COLEC12: variants seen among roughly 807,000 people sequenced by gnomAD.
COLEC12 encodes collectin-12.
Under a neutral mutation model 71.1 loss-of-function variants are expected in COLEC12, and 33 were observed. The observed-to-expected ratio is 0.46, with a 90% CI of 0.35 to 0.62. The LOEUF (loss-of-function observed/expected upper bound fraction) is 0.62, where lower values mean the gene tolerates loss of function less well. Among genes scored for constraint, COLEC12 ranks in the 20% least tolerant of loss-of-function variants. The probability of loss-of-function intolerance (pLI) is 0.00; values close to 1 mark genes in which losing one functional copy is unlikely to be tolerated. For synonymous variants in COLEC12, 350 were observed against 353.0 expected (o/e 0.99, Z 0.10); for missense variants, 765 against 916.1 (o/e 0.84, Z 2.13).
intron 2 of COLEC12, among the ~76,000 whole-genome samples, chr18:425,218 G>C (rs569463561): frequency 1.3e-5 from 2 of 152,254 alleles, no homozygotes; most frequent in South Asian, 4.2e-4. Flanking sequence ...ACTCAAACCC[G>C]TGAGTTGCAG....
At chr18:379,497 GA>G (rs2143556663) in intron 2 of COLEC12, among the ~76,000 whole-genome samples, 1 of 152,210 alleles carries the variant, frequency 6.6e-6, no homozygotes, top group South Asian at 2.1e-4. Flanking sequence ...AAAAGTTTTG[GA>G]AAAGTGAAGA....
intron 2 of COLEC12, among the ~76,000 whole-genome samples, chr18:380,025 T>C (rs1005795061): frequency 2.6e-5 from 4 of 152,164 alleles, no homozygotes; most frequent in African/African-American, 4.8e-5. Context: ...CCTACTTCCC[T>C]CTGATTTGCA....
At chr18:449,889 T>C (rs989414738) in intron 2 of COLEC12, among the ~76,000 whole-genome samples, 6 of 152,238 alleles carry the variant, frequency 3.9e-5, no homozygotes, top group Admixed American at 2.6e-4. Flanking sequence ...TCCTCTCTTT[T>C]AAAAGGTGTT....
intron 3 of COLEC12, among the ~76,000 whole-genome samples, chr18:351,120 T>C (rs770164728): frequency 3.9e-5 from 6 of 152,180 alleles, no homozygotes; most frequent in Non-Finnish European, 7.3e-5. Flanking sequence ...AGTTCCCATG[T>C]GTTTGTGTGA....
intron 5 of COLEC12, among the ~76,000 whole-genome samples, chr18:345,613 A>G (rs1030843139): frequency 6.6e-5 from 10 of 152,226 alleles, no homozygotes; most frequent in Admixed American, 6.5e-4. Context: ...TACTCATGAC[A>G]TGTAACTCCC....
In COLEC12 at chr18:500,601, C is replaced by T; in HGVS notation, c.-87G>A. On this transcript the variant is annotated 5_prime_UTR_variant, in exon 1 of 10. Coordinates refer to ENST00000400256, the MANE Select transcript of COLEC12 (RefSeq NM_130386.3). The surrounding 1 kb of genome is among the most constrained non-coding windows in gnomAD (Gnocchi z 5.3). ...AGTCGTCCCGAGCGGCTGCTCACCG[C>T]ACGCCCATGGTAGCCGCGCCGCGCG... The T allele has an allele frequency of 9.0e-7, 1 of 1,109,156 alleles. No homozygotes were observed. The highest frequency in any genetic ancestry group is 1.1e-6 in the Non-Finnish European group (1 of 886,376). 68.7% of individuals were successfully genotyped at this position (1,109,156 alleles called of 1,614,324 possible).
In COLEC12 at chr18:318,493, T is replaced by G. The variant is rs1009428240; in HGVS notation, c.*1552A>C. 25 of 141,004 alleles carry G rather than the reference T, an allele frequency of 1.8e-4. No individual in the cohort carries two copies. The highest frequency in any genetic ancestry group is 1.8e-3 in the Admixed American group (25 of 14,142). The allele number at this position is 141,004 out of a possible 1,614,324, so 8.7% of individuals were successfully genotyped here. A position where few individuals can be genotyped will look rare whatever the true frequency, so the allele number is the denominator to read the frequency against. Reference sequence around the variant, plus strand: ...AAGATGGGCTCAGAGGAAAGGTTTTTTTTTTTTTTTTTTTTTTGAGATGGA... The same window carrying G: ...AAGATGGGCTCAGAGGAAAGGTTTTGTTTTTTTTTTTTTTTTTGAGATGGA... On this transcript the variant is annotated 3_prime_UTR_variant, in exon 10 of 10. Coordinates refer to ENST00000400256, the MANE Select transcript of COLEC12 (RefSeq NM_130386.3).
rs1914091392 is a variant in COLEC12 at position 335,238 on chromosome 18, A to G, written c.1328-8T>C. 3 of 1,568,778 alleles carry G rather than the reference A, an allele frequency of 1.9e-6. No homozygotes were observed. The highest frequency in any genetic ancestry group is 2.3e-5 in the East Asian group (1 of 42,980). On this transcript the variant is annotated splice_region_variant and splice_polypyrimidine_tract_variant and intron_variant, in intron 5 of 9. Transcript: ENST00000400256. Reference sequence around the variant, plus strand: ...CCCTGGGGCCCGGTGGACCTAAAGCATAAAAGAAAAAGGTGTCAACATGAA... The same window carrying G: ...CCCTGGGGCCCGGTGGACCTAAAGCGTAAAAGAAAAAGGTGTCAACATGAA...
intron 9 of COLEC12, among the ~76,000 whole-genome samples, chr18:320,795 T>C (rs1011581074): frequency 2.0e-4 from 31 of 152,158 alleles, no homozygotes; most frequent in Non-Finnish European, 3.4e-4. Context: ...CTCATTCTGG[T>C]GAAGAAAACT....
chr18:476,210 G>A (rs1026525470), intron 2 of COLEC12, among the ~76,000 whole-genome samples: 1 of 152,050 alleles, frequency 6.6e-6, no homozygotes, highest in African/African-American at 2.4e-5. Context: ...CTCCCACTTA[G>A]TTTTTACCAA....
At position 393,712 on chromosome 18, in the gene COLEC12, C is replaced by T. The variant is rs144758737; in HGVS notation, c.59-36190G>A. Among the ~76,000 whole-genome samples, 1,332 of 152,312 alleles carry T rather than the reference C, an allele frequency of 8.7e-3. 18 individuals are homozygous for T. Among genetic ancestry groups the T allele is most frequent in the African/African-American group, 0.028 (1,178 of 41,562 alleles). On this transcript the variant is annotated intron_variant, in intron 2 of 9. Transcript: ENST00000400256. ...TGCCCGTGTGGCCTTTCATCCACAC[C>T]ACCAGTGTAGCACTTATCATAATAT...
chr18:422,887 G>A (rs1916125643), intron 2 of COLEC12, among the ~76,000 whole-genome samples: 1 of 152,098 alleles, frequency 6.6e-6, no homozygotes, highest in South Asian at 2.1e-4. Flanking sequence ...AAACTTCTTA[G>A]TTTTTAGAAA....
chr18:404,783 T>C (rs1296553356), intron 2 of COLEC12, among the ~76,000 whole-genome samples: 1 of 152,170 alleles, frequency 6.6e-6, no homozygotes, highest in East Asian at 1.9e-4. Context: ...AACACGTATG[T>C]TTGAACAATA....
chr18:367,805 A>G (rs1352707881), intron 2 of COLEC12, among the ~76,000 whole-genome samples: 1 of 152,204 alleles, frequency 6.6e-6, no homozygotes, highest in Non-Finnish European at 1.5e-5. Context: ...AAAACTGGAC[A>G]AAGGCCTGGT....
chr18:465,893 C>A (rs1917075550), intron 2 of COLEC12, among the ~76,000 whole-genome samples: 1 of 151,966 alleles, frequency 6.6e-6, no homozygotes, highest in South Asian at 2.1e-4. Flanking sequence ...GGCAACATGG[C>A]AAAACCCAGT....
chr18:334,534 A>C, intron 6 of COLEC12: 1 of 384,982 alleles, frequency 2.6e-6, no homozygotes, highest in African/African-American at 2.1e-5. Context: ...AGGCTAAGGC[A>C]GGAGAATCAC....
chr18:375,898 T>G lies in COLEC12; in HGVS notation c.59-18376A>C, dbSNP rs139666424. Among the ~76,000 whole-genome samples, 371 of 152,344 alleles carry G rather than the reference T, an allele frequency of 2.4e-3. 2 individuals carry two copies. The highest frequency in any genetic ancestry group is 8.3e-3 in the African/African-American group (346 of 41,566). On this transcript the variant is annotated intron_variant, in intron 2 of 9. Transcript: ENST00000400256. ...AAACACCTGAACGGCACAGGGTCTA[T>G]ACTAAGAACTACAGCAATATATGTT... is the stretch of plus-strand genomic sequence containing the variant.
In COLEC12 at chr18:334,811, G is replaced by C. The variant is rs768618769; in HGVS notation, c.1747C>G (p.Pro583Ala). 10 of 1,515,172 alleles carry C rather than the reference G, an allele frequency of 6.6e-6. No individual in the cohort carries two copies. In the East Asian group the frequency reaches 2.2e-4, roughly 34 times the overall value. 93.9% of individuals were successfully genotyped at this position (1,515,172 alleles called of 1,614,324 possible). A position where few individuals can be genotyped will look rare whatever the true frequency, so the allele number is the denominator to read the frequency against. The change falls in exon 6 of 10, where the codon CCT becomes GCT. Residue 583 changes from proline to alanine, a missense_variant. Pro to Ala is a conservative substitution (Grantham distance 27, BLOSUM62 -1). Coordinates refer to ENST00000400256, the MANE Select transcript of COLEC12 (RefSeq NM_130386.3). ...MPGPKGPPGP[P>A]GPSGAVVPLA... is the part of the protein sequence containing the mutation. ...GGCACCACCGCTCCTGATGGGCCAGGAGGGCCGGGGGGGCCCTTGGGGCCT... is the reference window on the plus strand; with the variant it reads ...GGCACCACCGCTCCTGATGGGCCAGCAGGGCCGGGGGGGCCCTTGGGGCCT...
intron 2 of COLEC12, among the ~76,000 whole-genome samples, chr18:372,138 C>A (rs140266542): frequency 3.3e-5 from 5 of 152,154 alleles, no homozygotes; most frequent in African/African-American, 1.2e-4. Context: ...AGGGACACTA[C>A]GTTTAGACAG....
Sources: gnomAD v4.1 joint callset for allele counts (sites outside exome capture counted in the v4.1 genomes callset) on GRCh38, gnomAD v4.1.1 for gene constraint, Gnocchi (gnomAD v3.1) non-coding constraint, MANE v1.5 for transcripts, NCBI Gene and HGNC (gene_info 2026-07-23, HGNC 2026-07-21) for gene names.